STPG2: variants seen among roughly 807,000 people sequenced by gnomAD.
STPG2 encodes the protein sperm-tail PG-rich repeat-containing protein 2.
A neutral mutation model predicts 54.2 loss-of-function variants in STPG2; 56 were observed. The observed-to-expected ratio is 1.03, with a 90% CI of 0.83 to 1.29. STPG2 has a LOEUF of 1.29. Ranked by LOEUF, STPG2 falls within the 50% of genes most tolerant of loss-of-function variation. The probability of loss-of-function intolerance (pLI) is 0.00; values close to 1 mark genes in which losing one functional copy is unlikely to be tolerated. For synonymous variants in STPG2, 200 were observed against 181.8 expected (o/e 1.10, Z -0.81); for missense variants, 596 against 544.9 (o/e 1.09, Z -0.93).
intron 9 of STPG2, among the ~76,000 whole-genome samples, chr4:97,729,083 C>CTA (rs1181585905): frequency 6.6e-6 from 1 of 151,364 alleles, no homozygotes; most frequent in East Asian, 1.9e-4. Context: ...CTCTCTCTCT[C>CTA]TCTCTCTCTC....
chr4:97,776,564 A>G (rs1255894749), intron 9 of STPG2, among the ~76,000 whole-genome samples: 2 of 152,214 alleles, frequency 1.3e-5, no homozygotes, highest in Non-Finnish European at 2.9e-5. Flanking sequence ...TGAATGGATT[A>G]GGGAGAACAG....
chr4:97,446,497 A>G (rs1426235263), intron 4 of STPG2, among the ~76,000 whole-genome samples: 1 of 152,194 alleles, frequency 6.6e-6, no homozygotes, highest in East Asian at 1.9e-4. Flanking sequence ...GTAACCATAT[A>G]ACTTAGGGAG....
intron 10 of STPG2, among the ~76,000 whole-genome samples, chr4:97,574,379 G>A (rs988675811): frequency 1.4e-4 from 22 of 151,906 alleles, no homozygotes; most frequent in Middle Eastern, 3.4e-3. Flanking sequence ...TGTGACACAG[G>A]AACCTTCAGA....
At chr4:97,458,831 CAAAG>C (rs1453342578) in intron 4 of STPG2, among the ~76,000 whole-genome samples, 1 of 151,784 alleles carries the variant, frequency 6.6e-6, no homozygotes, top group Non-Finnish European at 1.5e-5. Flanking sequence ...CCCTGAAAGA[CAAAG>C]AAAGACTGAG....
intron 9 of STPG2, among the ~76,000 whole-genome samples, chr4:97,776,374 G>A (rs1453345649): frequency 1.3e-5 from 2 of 152,124 alleles, no homozygotes; most frequent in Non-Finnish European, 2.9e-5. Flanking sequence ...TTCAATTCTG[G>A]AAGTCTGGTT....
intron 9 of STPG2, among the ~76,000 whole-genome samples, chr4:97,736,352 T>C (rs1010063284): frequency 6.6e-6 from 1 of 152,090 alleles, no homozygotes; most frequent in Non-Finnish European, 1.5e-5. Context: ...TGCCAGACAG[T>C]GGGCGCAGGA....
At chr4:97,644,190 T>C (rs1296992795) in intron 10 of STPG2, among the ~76,000 whole-genome samples, 1 of 151,942 alleles carries the variant, frequency 6.6e-6, no homozygotes, top group Non-Finnish European at 1.5e-5. Context: ...GGCATGCTTA[T>C]ATATTATTTA....
chr4:97,475,060 T>A (rs534409799), intron 4 of STPG2, among the ~76,000 whole-genome samples: 1 of 152,184 alleles, frequency 6.6e-6, no homozygotes, highest in South Asian at 2.1e-4. Flanking sequence ...TTTATTCAAA[T>A]CTTGCCTATG....
chr4:97,746,599 T>C (rs960057601), intron 9 of STPG2, among the ~76,000 whole-genome samples: 4 of 151,152 alleles, frequency 2.6e-5, no homozygotes, highest in African/African-American at 9.7e-5. Flanking sequence ...GCATATAATA[T>C]GAGATAAGCA....
At chr4:97,857,359 G>A (rs921624769) in intron 8 of STPG2, among the ~76,000 whole-genome samples, 3 of 152,056 alleles carry the variant, frequency 2.0e-5, no homozygotes, top group Non-Finnish European at 1.5e-5. Context: ...TCTATTCAGG[G>A]ATTCCATTTC....
At chr4:97,993,376 C>T (rs1735083641) in intron 5 of STPG2, among the ~76,000 whole-genome samples, 1 of 152,018 alleles carries the variant, frequency 6.6e-6, no homozygotes, top group Non-Finnish European at 1.5e-5. Context: ...TAGTATATCA[C>T]ATTTATTGAC....
intron 9 of STPG2, among the ~76,000 whole-genome samples, chr4:97,810,224 G>T (rs1727692679): frequency 2.0e-5 from 3 of 152,128 alleles, no homozygotes; most frequent in Admixed American, 2.0e-4. Context: ...CCAACACTCT[G>T]GGAGGCCAAG....
intron 5 of STPG2, among the ~76,000 whole-genome samples, chr4:98,040,443 G>A (rs997400797): frequency 7.3e-4 from 111 of 151,668 alleles, no homozygotes; most frequent in Non-Finnish European, 4.6e-4. Flanking sequence ...AGGATTTTTA[G>A]AGCTTCAGGT....
intron 9 of STPG2, among the ~76,000 whole-genome samples, chr4:97,768,039 C>A (rs186413856): frequency 6.6e-6 from 1 of 151,872 alleles, no homozygotes; most frequent in Admixed American, 6.6e-5. Flanking sequence ...TGGTGGCGGG[C>A]GTCTGTAGTC....
intron 10 of STPG2, among the ~76,000 whole-genome samples, chr4:97,696,247 A>G (rs1357886646): frequency 6.6e-6 from 1 of 152,230 alleles, no homozygotes; most frequent in Non-Finnish European, 1.5e-5. Flanking sequence ...TTGATCTTTG[A>G]CAAAGCAAAC....
intron 4 of STPG2, among the ~76,000 whole-genome samples, chr4:97,549,199 T>A (rs1460635189): frequency 6.6e-6 from 1 of 152,222 alleles, no homozygotes; most frequent in Non-Finnish European, 1.5e-5. Flanking sequence ...TGTCTCCATC[T>A]GCAGTTAGGA....
intron 10 of STPG2, among the ~76,000 whole-genome samples, chr4:97,678,431 T>C (rs1247416440): frequency 6.6e-6 from 1 of 152,062 alleles, no homozygotes; most frequent in Non-Finnish European, 1.5e-5. Flanking sequence ...AGGGTAGATA[T>C]ATTCAAATGT....
At chr4:97,548,284 T>G (rs1432425466) in intron 4 of STPG2, among the ~76,000 whole-genome samples, 1 of 152,054 alleles carries the variant, frequency 6.6e-6, no homozygotes, top group African/African-American at 2.4e-5. Context: ...AGAAGAAAAC[T>G]AAGAAAAAAC....
chr4:97,657,735 C>T (rs1722255008), intron 10 of STPG2, among the ~76,000 whole-genome samples: 2 of 152,160 alleles, frequency 1.3e-5, no homozygotes, highest in Admixed American at 1.3e-4. Context: ...CAATCCAGTT[C>T]AAGTCATTTA....
Sources: gnomAD v4.1 joint callset for allele counts (sites outside exome capture counted in the v4.1 genomes callset) on GRCh38, gnomAD v4.1.1 for gene constraint, MANE v1.5 for transcripts, NCBI Gene and HGNC (gene_info 2026-07-23, HGNC 2026-07-21) for gene names.